CENPP: variants seen among roughly 807,000 people sequenced by gnomAD.
CENPP encodes the protein centromere protein P.
CENPP carries 24 observed loss-of-function variants against 35.6 expected under a neutral mutation model. That is an observed-to-expected ratio of 0.67 (90% CI 0.49 to 0.95). The LOEUF is 0.95. Ranked by LOEUF, CENPP falls within the 40% of genes least tolerant of loss-of-function variation. The pLI is 0.00. For synonymous variants in CENPP, 120 were observed against 125.5 expected, an observed-to-expected ratio of 0.96 and a Z score of 0.29; for missense variants, 332 against 345.3, an observed-to-expected ratio of 0.96 and a Z score of 0.31.
chr9:92,547,778 A>AT (rs1466520340), intron 5 of CENPP, among the ~76,000 whole-genome samples: 1 of 152,220 alleles, frequency 6.6e-6, no homozygotes, highest in Non-Finnish European at 1.5e-5. Flanking sequence ...GGAATTGTAT[A>AT]TTTTAAAGTA....
rs191744945 is a variant in CENPP at position 92,526,967 on chromosome 9, A to T, written c.565-84347A>T. 1.9e-3 allele frequency among the ~76,000 whole-genome samples: 291 copies of T among 152,166 alleles called. 2 individuals carry two copies. The highest frequency in any genetic ancestry group is 6.7e-3 in the African/African-American group (276 of 41,496). On this transcript the variant is annotated intron_variant, in intron 5 of 7. Transcript: ENST00000375587. The stretch of plus-strand genomic sequence containing the variant: ...CATTTTTTAAATTATTTTAGACCAT[A>T]TTCTTACCATACCTTTCCTATGTGT...
chr9:92,451,970 G>A (rs1844723591), intron 5 of CENPP, among the ~76,000 whole-genome samples: 1 of 151,458 alleles, frequency 6.6e-6, no homozygotes, highest in Admixed American at 6.6e-5. Flanking sequence ...CTTTGCTGAA[G>A]TTGCTTATCA....
At chr9:92,580,231 A>G (rs890306479) in intron 5 of CENPP, among the ~76,000 whole-genome samples, 32 of 152,162 alleles carry the variant, frequency 2.1e-4, no homozygotes, top group Middle Eastern at 3.4e-3. Flanking sequence ...TTTTTGCATC[A>G]ATGTTCATCA....
At chr9:92,420,341 G>A (rs1183732828) in intron 5 of CENPP, among the ~76,000 whole-genome samples, 1 of 152,000 alleles carries the variant, frequency 6.6e-6, no homozygotes, top group Non-Finnish European at 1.5e-5. Context: ...GATCACTATC[G>A]TTGCTCTTTT....
At chr9:92,557,508 G>C (rs1328334847) in intron 5 of CENPP, among the ~76,000 whole-genome samples, 37 of 152,154 alleles carry the variant, frequency 2.4e-4, no homozygotes, top group Admixed American at 2.4e-3. Flanking sequence ...TGGAGGCTTT[G>C]TTCTTATTTT....
At chr9:92,427,195 C>T (rs1588123031) in intron 5 of CENPP, among the ~76,000 whole-genome samples, 1 of 152,194 alleles carries the variant, frequency 6.6e-6, no homozygotes, top group African/African-American at 2.4e-5. Flanking sequence ...GACAGTCTGG[C>T]TCTGTCGCCA....
intron 5 of CENPP, among the ~76,000 whole-genome samples, chr9:92,423,791 C>T (rs1039965166): frequency 2.0e-5 from 3 of 152,064 alleles, no homozygotes; most frequent in Non-Finnish European, 2.9e-5. Context: ...TGTACAAATG[C>T]CCATCAACCC....
chr9:92,466,469 C>T (rs368329214), intron 5 of CENPP: 44 of 1,612,418 alleles, frequency 2.7e-5, no homozygotes, highest in Non-Finnish European at 3.6e-5. Context: ...AGTGGTATTT[C>T]ACTTAGTTGA....
chr9:92,603,784 C>T (rs755521298), intron 5 of CENPP, among the ~76,000 whole-genome samples: 35 of 152,172 alleles, frequency 2.3e-4, no homozygotes, highest in Non-Finnish European at 3.8e-4. Context: ...CAGCCATGGT[C>T]CCCCTGCTTT....
At chr9:92,569,436 C>G (rs1342199764) in intron 5 of CENPP, among the ~76,000 whole-genome samples, 1 of 152,084 alleles carries the variant, frequency 6.6e-6, no homozygotes, top group Non-Finnish European at 1.5e-5. Flanking sequence ...TTCCATTGGT[C>G]TATATCTCTG....
At chr9:92,608,846 A>C (rs1237355975) in intron 5 of CENPP, among the ~76,000 whole-genome samples, 1 of 152,228 alleles carries the variant, frequency 6.6e-6, no homozygotes, top group Non-Finnish European at 1.5e-5. Context: ...ATCTAATTTA[A>C]ACCCCTTTTT....
intron 5 of CENPP, among the ~76,000 whole-genome samples, chr9:92,452,891 G>T (rs1588139324): frequency 6.6e-6 from 1 of 152,166 alleles, no homozygotes; most frequent in Admixed American, 6.5e-5. Flanking sequence ...TTGCATAGAG[G>T]TGTTTGTAGT....
At chr9:92,523,681 C>T (rs909138648) in intron 5 of CENPP, among the ~76,000 whole-genome samples, 2 of 152,196 alleles carry the variant, frequency 1.3e-5, no homozygotes, top group Non-Finnish European at 2.9e-5. Flanking sequence ...CTCCTTTGTG[C>T]TTAAACAGCA....
chr9:92,412,404 T>C (rs565251055), intron 5 of CENPP, among the ~76,000 whole-genome samples: 14 of 152,292 alleles, frequency 9.2e-5, no homozygotes, highest in African/African-American at 3.1e-4. Context: ...TACAATTTAA[T>C]AGTACTTAGT....
chr9:92,502,585 A>G lies in CENPP; in HGVS notation c.565-108729A>G. The G allele has an allele frequency of 6.2e-7, 1 of 1,611,272 alleles. No homozygotes were observed. The highest frequency in any genetic ancestry group is 1.1e-5 in the South Asian group (1 of 90,784). ...GTTATAACGTAGTACAATGACATTG[A>G]TCTTTCTGGTATGATTGAAACAAAT... On this transcript the variant is annotated intron_variant, in intron 5 of 7. Transcript: ENST00000375587.
intron 4 of CENPP, among the ~76,000 whole-genome samples, chr9:92,358,695 T>G (rs1030498838): frequency 1.3e-5 from 2 of 152,200 alleles, no homozygotes; most frequent in Non-Finnish European, 2.9e-5. Context: ...TTTTTCATTT[T>G]AATTATTGTA....
intron 5 of CENPP, among the ~76,000 whole-genome samples, chr9:92,533,303 C>CAAACAAAAA (rs1223222898): frequency 3.3e-5 from 1 of 29,882 alleles, no homozygotes; most frequent in Non-Finnish European, 5.6e-5. Context: ...CGGTCTCAAA[C>CAAACAAAAA]AAAAAAAAAA....
chr9:92,521,260 A>C lies in CENPP; in HGVS notation c.565-90054A>C, dbSNP rs16908430. 7.0e-3 allele frequency among the ~76,000 whole-genome samples: 1,072 copies of C among 152,342 alleles called. 14 individuals are homozygous for C. The highest frequency in any genetic ancestry group is 0.024 in the African/African-American group (998 of 41,568). On this transcript the variant is annotated intron_variant, in intron 5 of 7. Coordinates refer to ENST00000375587, the MANE Select transcript of CENPP (RefSeq NM_001012267.3). ...TTTTTTTAAACAAGTTTGAGATCAC[A>C]TTATGAATACTTCTTTTTCAGCCTT...
At chr9:92,348,313 AT>A (rs923897996) in intron 4 of CENPP, among the ~76,000 whole-genome samples, 2 of 148,470 alleles carry the variant, frequency 1.3e-5, no homozygotes, top group African/African-American at 5.0e-5. Flanking sequence ...AACATTCTTC[AT>A]TTCTTTATTT....
Sources: gnomAD v4.1 joint callset for allele counts (sites outside exome capture counted in the v4.1 genomes callset) on GRCh38, gnomAD v4.1.1 for gene constraint, MANE v1.5 for transcripts, NCBI Gene and HGNC (gene_info 2026-07-23, HGNC 2026-07-21) for gene names.